Variants in PCDH15 observed in about 807,000 individuals in gnomAD.
The protein encoded by PCDH15 is protocadherin-15.
In PCDH15, 129 loss-of-function variants were observed where a neutral mutation model predicts 178.5. The observed-to-expected ratio is 0.72, with a 90% CI of 0.63 to 0.84. The LOEUF (loss-of-function observed/expected upper bound fraction) is 0.84. Among genes scored for constraint, PCDH15 ranks in the 40% least tolerant of loss-of-function variants. The probability of loss-of-function intolerance (pLI) is 0.00; values close to 1 mark genes in which losing one functional copy is unlikely to be tolerated. For missense variants in PCDH15, 2,230 were observed against 2,099.9 expected (o/e 1.06, Z -1.21); for synonymous variants, 800 against 732.0 (o/e 1.09, Z -1.50).
chr10:55,531,499 C>A (rs1291969982), intron 2 of PCDH15, among the ~76,000 whole-genome samples: 1 of 151,880 alleles, frequency 6.6e-6, no homozygotes, highest in East Asian at 1.9e-4. Context: ...GGAAGCAGAA[C>A]CCCAAGATAT....
At chr10:55,029,820 A>C (rs1392003500) in intron 2 of PCDH15, among the ~76,000 whole-genome samples, 1 of 152,146 alleles carries the variant, frequency 6.6e-6, no homozygotes, top group African/African-American at 2.4e-5. Flanking sequence ...AACTACCTAA[A>C]GAGCAACAAA....
At chr10:54,239,184 C>T (rs2134420878) in intron 8 of PCDH15, among the ~76,000 whole-genome samples, 1 of 152,100 alleles carries the variant, frequency 6.6e-6, no homozygotes, top group South Asian at 2.1e-4. Context: ...CTATTTATTT[C>T]TATAGATTTG....
At chr10:54,585,806 T>G (rs2133860091) in intron 2 of PCDH15, among the ~76,000 whole-genome samples, 1 of 152,284 alleles carries the variant, frequency 6.6e-6, no homozygotes, top group South Asian at 2.1e-4. Context: ...CAATTATGTC[T>G]TCTTAATTGT....
At chr10:54,012,021 A>AGTTTTGGATT (rs2092602570) in intron 20 of PCDH15, among the ~76,000 whole-genome samples, 1 of 152,190 alleles carries the variant, frequency 6.6e-6, no homozygotes, top group Non-Finnish European at 1.5e-5. Flanking sequence ...GTCAAAATCC[A>AGTTTTGGATT]AACCAAGGAA....
chr10:55,099,927 C>T (rs1054245496), intron 2 of PCDH15, among the ~76,000 whole-genome samples: 1 of 152,018 alleles, frequency 6.6e-6, no homozygotes, highest in African/African-American at 2.4e-5. Context: ...GAATCATTTT[C>T]TTCAAATATT....
intron 1 of PCDH15, among the ~76,000 whole-genome samples, chr10:55,238,143 T>C (rs1299244819): frequency 6.7e-6 from 1 of 149,808 alleles, no homozygotes; most frequent in African/African-American, 2.5e-5. Context: ...CATTCATATT[T>C]TCTTTTTTTT....
chr10:54,873,559 C>T (rs545295391), intron 3 of PCDH15, among the ~76,000 whole-genome samples: 4 of 39,292 alleles, frequency 1.0e-4, no homozygotes, highest in East Asian at 8.9e-4. Context: ...TATACATATA[C>T]GTATGTGTGT....
chr10:55,531,502 C>T (rs555125245), intron 2 of PCDH15, among the ~76,000 whole-genome samples: 1 of 152,046 alleles, frequency 6.6e-6, no homozygotes, highest in Non-Finnish European at 1.5e-5. Context: ...AGCAGAACCC[C>T]AAGATATTTT....
chr10:54,179,030 A>C (rs959086197), intron 13 of PCDH15, among the ~76,000 whole-genome samples: 13 of 152,284 alleles, frequency 8.5e-5, no homozygotes, highest in Admixed American at 2.0e-4. Context: ...GGGATCTAGA[A>C]CTAGAAATAC....
At chr10:54,200,518 C>T (rs1591127264) in intron 10 of PCDH15, among the ~76,000 whole-genome samples, 1 of 152,036 alleles carries the variant, frequency 6.6e-6, no homozygotes, top group Admixed American at 6.6e-5. Flanking sequence ...ATCGCAAGTG[C>T]TCACCTTCAT....
intron 2 of PCDH15, among the ~76,000 whole-genome samples, chr10:54,655,373 T>G (rs1366273382): frequency 1.3e-5 from 2 of 148,678 alleles, no homozygotes; most frequent in Non-Finnish European, 3.0e-5. Context: ...AATACTGGGA[T>G]ATTGTAAGTT....
chr10:53,940,725 C>T (rs887907587), intron 24 of PCDH15, 141 bp downstream of exon 24: 1 of 696,170 alleles, frequency 1.4e-6, no homozygotes, highest in Non-Finnish European at 2.5e-6. Context: ...GTTCAGGATA[C>T]ATGGTTAACA....
At chr10:54,933,371 G>A (rs562541705) in intron 2 of PCDH15, among the ~76,000 whole-genome samples, 4 of 151,972 alleles carry the variant, frequency 2.6e-5, no homozygotes, top group Admixed American at 6.6e-5. Flanking sequence ...TTGTTTCTTG[G>A]GTGAGACCTC....
chr10:55,598,131 C>T (rs1205999155), intron 2 of PCDH15, among the ~76,000 whole-genome samples: 1 of 151,972 alleles, frequency 6.6e-6, no homozygotes, highest in African/African-American at 2.4e-5. Flanking sequence ...AAATTTTGTG[C>T]CAGCCACCGC....
At chr10:55,544,139 C>CATACAT (rs1200067998) in intron 2 of PCDH15, among the ~76,000 whole-genome samples, 1 of 54,346 alleles carries the variant, frequency 1.8e-5, no homozygotes, top group African/African-American at 7.0e-5. Flanking sequence ...CTTATACATA[C>CATACAT]ATATATATAT....
At chr10:54,461,389 G>A (rs11004320) in intron 3 of PCDH15, among the ~76,000 whole-genome samples, 6,764 of 152,056 alleles carry the variant, frequency 0.044, 214 homozygotes, top group South Asian at 0.14. Context: ...AAAAAATAGT[G>A]GTTGTGGTTC....
At chr10:55,329,711 T>C (rs1463108682) in intron 2 of PCDH15, among the ~76,000 whole-genome samples, 1 of 151,710 alleles carries the variant, frequency 6.6e-6, no homozygotes, top group Non-Finnish European at 1.5e-5. Flanking sequence ...AGGGAGAGAT[T>C]TGTGTATAAT....
intron 35 of PCDH15, among the ~76,000 whole-genome samples, chr10:53,812,089 A>T (rs1490728539): frequency 6.6e-6 from 1 of 152,168 alleles, no homozygotes; most frequent in Non-Finnish European, 1.5e-5. Context: ...TCTTCTATTC[A>T]TTGAAACTGT....
In PCDH15 at chr10:53,822,430, CAAGAGGAGCAGGAGCAGGAGGAGGAGA is replaced by C. The variant is rs957797299; in HGVS notation, c.4368-2227_4368-2201del. ...AAAGGAGAAATGTCAGGAGGAGGAG[CAAGAGGAGCAGGAGCAGGAGGAGGAGA>C]AGGAGGAGAAATAGGAGGAGGAGGG... is the stretch of plus-strand genomic sequence containing the variant. On this transcript the variant is annotated intron_variant, in intron 32 of 37. Transcript: ENST00000644397. 2.5e-6 allele frequency: 4 copies of C among 1,578,396 alleles called. No homozygotes were observed. Among genetic ancestry groups the C allele is most frequent in the South Asian group, 1.1e-5 (1 of 88,394 alleles).
Sources: allele counts gnomAD v4.1 joint callset (sites outside exome capture counted in the v4.1 genomes callset), GRCh38; gene constraint gnomAD v4.1.1; transcripts MANE v1.5; gene names NCBI Gene and HGNC (gene_info 2026-07-23, HGNC 2026-07-21).